PAPPA2: variants seen among roughly 807,000 people sequenced by gnomAD.
PAPPA2 encodes pappalysin-2.
Under a neutral mutation model 176.4 loss-of-function variants are expected in PAPPA2, and 86 were observed. The ratio of observed to expected loss-of-function variants is 0.49; its 90% CI spans 0.41 to 0.58. The LOEUF (loss-of-function observed/expected upper bound fraction) is 0.58, where lower values mean the gene tolerates loss of function less well. PAPPA2 is among the 20% of genes least tolerant of loss of function. PAPPA2 has a pLI of 0.00. For synonymous variants in PAPPA2, 809 were observed against 852.2 expected (o/e 0.95, Z 0.88); for missense variants, 2,073 against 2,256.9 (o/e 0.92, Z 1.65).
chr1:176,721,647 A>G (rs139686017), intron 12 of PAPPA2, among the ~76,000 whole-genome samples: 16 of 152,066 alleles, frequency 1.1e-4, no homozygotes, highest in Middle Eastern at 6.8e-3. Flanking sequence ...TCTGATATAT[A>G]TTTCTTTGAA....
chr1:176,632,141 A>G (rs958862266), intron 3 of PAPPA2, among the ~76,000 whole-genome samples: 18 of 152,080 alleles, frequency 1.2e-4, no homozygotes, highest in Middle Eastern at 3.2e-3. Flanking sequence ...CTCGTGAAGG[A>G]AATGGAGAAA....
intron 1 of PAPPA2, among the ~76,000 whole-genome samples, chr1:176,471,472 G>A (rs1456813241): frequency 6.6e-6 from 1 of 152,070 alleles, no homozygotes; most frequent in African/African-American, 2.4e-5. Flanking sequence ...AACAAAACAA[G>A]TGTAGAGCTT....
chr1:176,500,977 T>G (rs1322392839), intron 1 of PAPPA2, among the ~76,000 whole-genome samples: 3 of 151,796 alleles, frequency 2.0e-5, no homozygotes, highest in Non-Finnish European at 4.4e-5. Context: ...AACTGCGTAC[T>G]GTCAACCTTA....
At chr1:176,572,586 A>C (rs763287230) in intron 2 of PAPPA2, among the ~76,000 whole-genome samples, 2 of 152,358 alleles carry the variant, frequency 1.3e-5, no homozygotes, top group Non-Finnish European at 2.9e-5. Context: ...GAAAGCAGTC[A>C]GAGTCTCCTT....
chr1:176,627,549 T>C (rs1656101260), intron 3 of PAPPA2, among the ~76,000 whole-genome samples: 1 of 152,228 alleles, frequency 6.6e-6, no homozygotes. Flanking sequence ...TGAATTTTAT[T>C]TTAACGCTAT....
At chr1:176,574,239 G>A (rs1652516331) in intron 2 of PAPPA2, among the ~76,000 whole-genome samples, 1 of 152,062 alleles carries the variant, frequency 6.6e-6, no homozygotes, top group South Asian at 2.1e-4. Context: ...ATAATAATAT[G>A]GAATATTTAT....
intron 3 of PAPPA2, among the ~76,000 whole-genome samples, chr1:176,606,488 G>A (rs1391281073): frequency 6.6e-6 from 1 of 152,124 alleles, no homozygotes; most frequent in Non-Finnish European, 1.5e-5. Flanking sequence ...TTTTTTAGAT[G>A]GAGTCTTGCT....
chr1:176,832,620 T>C (rs922804691), intron 21 of PAPPA2, among the ~76,000 whole-genome samples: 14 of 152,216 alleles, frequency 9.2e-5, no homozygotes, highest in Non-Finnish European at 1.5e-4. Context: ...CCCAAAGTGC[T>C]GGGATTACAG....
intron 2 of PAPPA2, among the ~76,000 whole-genome samples, chr1:176,570,151 T>C (rs1280991712): frequency 6.6e-6 from 1 of 152,074 alleles, no homozygotes; most frequent in Admixed American, 6.5e-5. Context: ...GGAAGAGGAG[T>C]GTATATGCCT....
At chr1:176,741,809 G>T (rs1662692461) in intron 14 of PAPPA2, among the ~76,000 whole-genome samples, 1 of 152,128 alleles carries the variant, frequency 6.6e-6, no homozygotes, top group Admixed American at 6.6e-5. Context: ...ATTAACACAA[G>T]AATGTAGACT....
chr1:176,623,708 T>TTTA (rs1655803672), intron 3 of PAPPA2, among the ~76,000 whole-genome samples: 1 of 108,688 alleles, frequency 9.2e-6, no homozygotes, highest in Non-Finnish European at 1.8e-5. Context: ...CTTTCTTTCT[T>TTTA]TTCTTCTTTC....
intron 6 of PAPPA2, among the ~76,000 whole-genome samples, chr1:176,693,513 G>A (rs61823000): frequency 0.034 from 5,112 of 152,336 alleles, 118 homozygotes; most frequent in Non-Finnish European, 0.054. Context: ...AAAGAGAAGG[G>A]TGTCGCTGGA....
At chr1:176,795,592 C>A (rs1665393394) in intron 20 of PAPPA2, among the ~76,000 whole-genome samples, 1 of 152,098 alleles carries the variant, frequency 6.6e-6, no homozygotes. Flanking sequence ...CATATTGTGG[C>A]AATTGTTTGC....
At chr1:176,748,815 G>A (rs1291917886) in intron 14 of PAPPA2, among the ~76,000 whole-genome samples, 2 of 152,116 alleles carry the variant, frequency 1.3e-5, no homozygotes, top group African/African-American at 2.4e-5. Flanking sequence ...TAGCCTACGA[G>A]CAGTAGGCTA....
intron 3 of PAPPA2, among the ~76,000 whole-genome samples, chr1:176,663,827 G>A (rs1335906907): frequency 6.6e-6 from 1 of 151,794 alleles, no homozygotes; most frequent in African/African-American, 2.4e-5. Flanking sequence ...AGTTCTCCTG[G>A]GGACCTCTCC....
intron 3 of PAPPA2, among the ~76,000 whole-genome samples, chr1:176,606,695 C>T (rs1654632765): frequency 6.6e-6 from 1 of 152,006 alleles, no homozygotes; most frequent in African/African-American, 2.4e-5. Flanking sequence ...GAAATTCTGA[C>T]CTTGTGATCT....
chr1:176,604,902 A>G (rs1369708336), intron 3 of PAPPA2, among the ~76,000 whole-genome samples: 1 of 152,124 alleles, frequency 6.6e-6, no homozygotes, highest in African/African-American at 2.4e-5. Context: ...ACTACTATGT[A>G]TGGAAAAAGA....
At chr1:176,749,334 A>G (rs1355663575) in intron 14 of PAPPA2, among the ~76,000 whole-genome samples, 1 of 152,188 alleles carries the variant, frequency 6.6e-6, no homozygotes, top group Non-Finnish European at 1.5e-5. Context: ...AAAGGAAGGT[A>G]CAGAGATTTC....
chr1:176,570,111 G>T (rs10913205), intron 2 of PAPPA2, among the ~76,000 whole-genome samples: 1 of 151,942 alleles, frequency 6.6e-6, no homozygotes, highest in Non-Finnish European at 1.5e-5. Context: ...TAGAACTTTC[G>T]TTTTGTGCAC....
Sources: allele counts gnomAD v4.1 joint callset (sites outside exome capture counted in the v4.1 genomes callset), GRCh38; gene constraint gnomAD v4.1.1; transcripts MANE v1.5; gene names NCBI Gene and HGNC (gene_info 2026-07-23, HGNC 2026-07-21).